The following ESRRG variants were observed in gnomAD, a reference collection of about 807,000 sequenced individuals.
ESRRG encodes estrogen related receptor gamma, also known as estrogen-related receptor gamma.
ESRRG carries 13 observed loss-of-function variants against 44.0 expected under a neutral mutation model. The observed-to-expected ratio is 0.30, with a 90% CI of 0.19 to 0.47. The LOEUF is 0.47. Ranked by LOEUF, ESRRG falls within the 20% of genes least tolerant of loss-of-function variation. ESRRG has a pLI of 1.00. For missense variants in ESRRG, 395 were observed against 580.6 expected (o/e 0.68, Z 3.29); for synonymous variants, 215 against 214.6 (o/e 1.00, Z -0.02).
At chr1:217,126,339 T>G (rs2092889670) in intron 1 of ESRRG, among the ~76,000 whole-genome samples, 1 of 152,202 alleles carries the variant, frequency 6.6e-6, no homozygotes, top group African/African-American at 2.4e-5. Flanking sequence ...AAATTTGCAG[T>G]TATTTCAACA....
At chr1:216,654,629 C>CAAA (rs35748361) in intron 2 of ESRRG, among the ~76,000 whole-genome samples, 1 of 94,172 alleles carries the variant, frequency 1.1e-5, no homozygotes. Flanking sequence ...AACTCTGTTT[C>CAAA]AAAAAAAAAA....
At chr1:216,628,606 G>T (rs1290557504) in intron 3 of ESRRG, among the ~76,000 whole-genome samples, 1 of 152,150 alleles carries the variant, frequency 6.6e-6, no homozygotes, top group Admixed American at 6.5e-5. Flanking sequence ...AGGAAGGAAA[G>T]AAATAAAATT....
intron 2 of ESRRG, among the ~76,000 whole-genome samples, chr1:216,797,676 G>T (rs1329814421): frequency 6.6e-6 from 1 of 152,154 alleles, no homozygotes; most frequent in African/African-American, 2.4e-5. Flanking sequence ...GACAGGGGTT[G>T]TGGGTTTTTT....
intron 2 of ESRRG, among the ~76,000 whole-genome samples, chr1:216,919,338 A>G (rs902578731): frequency 6.6e-6 from 1 of 152,156 alleles, no homozygotes; most frequent in South Asian, 2.1e-4. Flanking sequence ...GGATAATTTT[A>G]TATTCAATTT....
At chr1:217,090,078 G>C (rs972491647), upstream of ESRRG, among the ~76,000 whole-genome samples, 24 of 152,050 alleles carry the variant, frequency 1.6e-4, no homozygotes, top group Non-Finnish European at 3.2e-4. Flanking sequence ...TTGCATTATT[G>C]CGTTTGCATA....
chr1:216,848,398 C>CT (rs34200168), intron 2 of ESRRG, among the ~76,000 whole-genome samples: 27,679 of 142,762 alleles, frequency 0.19, 2,672 homozygotes, highest in Admixed American at 0.26. Flanking sequence ...AATTTCTTGG[C>CT]TTTTTTTTTT....
chr1:217,087,744 C>T (rs1026759244), intron 1 of ESRRG, among the ~76,000 whole-genome samples: 2 of 152,210 alleles, frequency 1.3e-5, no homozygotes, highest in East Asian at 3.9e-4. Context: ...CTACTTAATG[C>T]GAGTTTAAAG....
chr1:216,524,449 T>TTA, intron 5 of ESRRG, among the ~76,000 whole-genome samples: 1 of 151,850 alleles, frequency 6.6e-6, no homozygotes, highest in East Asian at 1.9e-4. Flanking sequence ...ATGATAATGA[T>TTA]TATATTATGT....
chr1:216,915,277 C>A (rs1311915326), intron 2 of ESRRG, among the ~76,000 whole-genome samples: 1 of 152,196 alleles, frequency 6.6e-6, no homozygotes. Flanking sequence ...AGCAAGGTCA[C>A]CACTGCTCTG....
intron 1 of ESRRG, among the ~76,000 whole-genome samples, chr1:217,001,654 A>G (rs560415299): frequency 2.0e-5 from 3 of 152,336 alleles, no homozygotes; most frequent in South Asian, 4.1e-4. Context: ...AAGTCTGGTA[A>G]GCTCAAGGAA....
chr1:216,891,461 C>T (rs969831304), intron 2 of ESRRG, among the ~76,000 whole-genome samples: 1 of 152,214 alleles, frequency 6.6e-6, no homozygotes, highest in African/African-American at 2.4e-5. Context: ...TGCACATGCA[C>T]ACGCACACAT....
chr1:216,935,620 A>ATTT (rs368688184), intron 2 of ESRRG, among the ~76,000 whole-genome samples: 263 of 146,230 alleles, frequency 1.8e-3, no homozygotes, highest in African/African-American at 5.9e-3. Context: ...CAGTTTAGGA[A>ATTT]TTTTTTTTTT....
intron 1 of ESRRG, among the ~76,000 whole-genome samples, chr1:216,990,254 G>C (rs2075480200): frequency 6.6e-6 from 1 of 152,078 alleles, no homozygotes; most frequent in Non-Finnish European, 1.5e-5. Context: ...CCTAAAAAAT[G>C]GATGTTTTCC....
At chr1:216,769,836 T>C (rs77635532) in intron 2 of ESRRG, among the ~76,000 whole-genome samples, 3 of 152,058 alleles carry the variant, frequency 2.0e-5, no homozygotes, top group Non-Finnish European at 2.9e-5. Flanking sequence ...CTCAGAAATA[T>C]GGAAATCACA....
At chr1:216,957,864 T>C (rs1462329611) in intron 1 of ESRRG, among the ~76,000 whole-genome samples, 5 of 152,332 alleles carry the variant, frequency 3.3e-5, no homozygotes, top group African/African-American at 1.2e-4. Context: ...GAGTTTTGAC[T>C]ATTGTAAAAC....
chr1:216,722,437 A>G (rs1296493340), intron 1 of ESRRG, among the ~76,000 whole-genome samples: 1 of 132,860 alleles, frequency 7.5e-6, no homozygotes, highest in Non-Finnish European at 1.6e-5. Context: ...ATCTAAATAT[A>G]TATTTCCATG....
At chr1:216,670,072 A>G (rs566016052) in intron 2 of ESRRG, among the ~76,000 whole-genome samples, 115 of 152,314 alleles carry the variant, frequency 7.6e-4, no homozygotes, top group Non-Finnish European at 1.0e-3. Context: ...TAAAGCTACC[A>G]ATTACTATAA....
chr1:216,650,103 T>A (rs1008863936), intron 3 of ESRRG, among the ~76,000 whole-genome samples: 3 of 152,172 alleles, frequency 2.0e-5, no homozygotes, highest in Non-Finnish European at 4.4e-5. Flanking sequence ...TGTGTTACTT[T>A]ATAAAACTGT....
intron 2 of ESRRG, among the ~76,000 whole-genome samples, chr1:216,838,483 T>G (rs921765401): frequency 1.3e-5 from 2 of 152,178 alleles, no homozygotes; most frequent in Non-Finnish European, 2.9e-5. Context: ...GGGTAAGACA[T>G]TCAATGAATT....
Sources: gnomAD v4.1 joint callset for allele counts (sites outside exome capture counted in the v4.1 genomes callset) on GRCh38, gnomAD v4.1.1 for gene constraint, MANE v1.5 for transcripts, NCBI Gene and HGNC (gene_info 2026-07-23, HGNC 2026-07-21) for gene names.